CTU2: variants seen among roughly 807,000 people sequenced by gnomAD.
CTU2 encodes the protein cytoplasmic tRNA 2-thiolation protein 2.
CTU2 carries 80 observed loss-of-function variants against 64.1 expected under a neutral mutation model. That is an observed-to-expected ratio of 1.25 (90% CI 1.04 to 1.50). The LOEUF (loss-of-function observed/expected upper bound fraction) is 1.50, where lower values mean the gene tolerates loss of function less well. Among genes scored for constraint, CTU2 ranks in the 40% most tolerant of loss-of-function variants. CTU2 has a pLI of 0.00. For missense variants in CTU2, 1,110 were observed against 690.2 expected, an observed-to-expected ratio of 1.61 and a Z score of -6.81; for synonymous variants, 482 against 285.3, an observed-to-expected ratio of 1.69 and a Z score of -6.95.
rs138922002 is a variant in CTU2 at position 88,714,623 on chromosome 16, G to A, written c.1238G>A (p.Arg413His). ...ATAFGAQTSS[R>H]LSQMQSPIPL... ...GCTTTTGGGGCTCAGACCTCCTCGC[G>A]TCTCTCCCAGATGCAGTCACCCATC... The change falls in exon 12 of 15, where the codon CGT becomes CAT. Residue 413 changes from arginine to histidine, a missense_variant. Coordinates refer to ENST00000453996, the MANE Select transcript of CTU2 (RefSeq NM_001012759.3). 49 of 1,612,478 alleles carry A rather than the reference G, an allele frequency of 3.0e-5. No homozygotes were observed. Among genetic ancestry groups the A allele is most frequent in the African/African-American group, 1.2e-4 (9 of 74,886 alleles).
intron 2 of CTU2, chr16:88,709,480 G>A (rs1471931134): frequency 6.3e-6 from 1 of 158,676 alleles, no homozygotes; most frequent in African/African-American, 2.4e-5. Context: ...CAAAGAGGTG[G>A]TGTCTCTGCA....
Position 88,712,284 on chromosome 16 carries a change from C to T in CTU2, c.354C>T (p.Ala118=), listed in dbSNP as rs1317771571. The change falls in exon 6 of 15, where the codon GCC becomes GCT. Residue 118 remains alanine (A), a synonymous_variant. Transcript: ENST00000453996. ...GCCTGGGTTTTTCAGAGGGAGCAGC[C>T]TGTGGCCAGAGCCTAGAGGAGAGAT... ...AGVIFVDEGA[A]CGQSLEERSK... 8 of 1,602,828 alleles carry T rather than the reference C, an allele frequency of 5.0e-6. No homozygotes were observed. Among genetic ancestry groups the T allele is most frequent in the South Asian group, 1.1e-5 (1 of 89,072 alleles).
intron 8 of CTU2, 86 bp downstream of exon 8, chr16:88,713,533 C>T (rs1567650748): frequency 1.4e-5 from 20 of 1,445,856 alleles, no homozygotes; most frequent in Non-Finnish European, 1.5e-5. Context: ...TCTCGCGTAT[C>T]AGTCCTGCGG....
In CTU2 at chr16:88,714,157, C is replaced by T. The variant is rs868591049; in HGVS notation, c.1027C>T (p.His343Tyr). ...DTKAPEKASI[H>Y]RLMEAFILRL... is the part of the protein sequence containing the mutation. The stretch of plus-strand genomic sequence containing the variant: ...CTAGGCCCCTGAAAAGGCCAGCATC[C>T]ACCGGCTGATGGAGGCCTTCATCCT... Residue 343 changes from histidine (H) to tyrosine (Y), a missense_variant, in exon 10 of 15, where the codon CAC (histidine) becomes TAC (tyrosine). By Grantham distance (83) the His-to-Tyr change is moderately conservative (BLOSUM62 2). Coordinates refer to ENST00000453996, the MANE Select transcript of CTU2 (RefSeq NM_001012759.3). 1.9e-6 allele frequency: 3 copies of T among 1,612,762 alleles called. No homozygotes were observed. The highest frequency in any genetic ancestry group is 2.5e-6 in the Non-Finnish European group (3 of 1,179,914).
At chr16:88,713,615 G>A (rs1317756) in intron 8 of CTU2, 32 bp from the exon 9 acceptor site, 461,635 of 1,604,114 alleles carry the variant, frequency 0.29, 69,852 homozygotes, top group South Asian at 0.34. Context: ...TTCGGGCCTT[G>A]ACCTGGACCA....
At chr16:88,708,727 AGT>A (rs766571287) in intron 2 of CTU2, among the ~76,000 whole-genome samples, 33 of 152,234 alleles carry the variant, frequency 2.2e-4, no homozygotes, top group Admixed American at 1.0e-3. Context: ...GTGCACATCA[AGT>A]GTGTCTGACA....
In CTU2 at chr16:88,713,314, C is replaced by A. The variant is rs751307026; in HGVS notation, c.740C>A (p.Thr247Asn). 3 of 1,587,396 alleles carry A rather than the reference C, an allele frequency of 1.9e-6. No homozygotes were observed. In the African/African-American group the frequency reaches 4.2e-5, roughly 22 times the overall value. Residue 247 changes from threonine (T) to asparagine (N), a missense_variant and splice_region_variant, in exon 8 of 15, where the codon ACC becomes AAC. Transcript: ENST00000453996. ...AKEELLQTLR[T>N]HLILHMARAH... Reference sequence around the variant, plus strand: ...CCCTGAGACGCTCTGTGCTTTAGGACCCACCTGATCCTCCACATGGCCCGA... The same window carrying A: ...CCCTGAGACGCTCTGTGCTTTAGGAACCACCTGATCCTCCACATGGCCCGA...
Position 88,710,074 on chromosome 16 carries a change from T to C in CTU2, c.222+58T>C, listed in dbSNP as rs141766248. Reference sequence around the variant, plus strand: ...AGCCTGGCCCCTCGAGGTCCCTGCTTGTCCCTCCCACAGGCAGCCTGGCCT... The same window carrying C: ...AGCCTGGCCCCTCGAGGTCCCTGCTCGTCCCTCCCACAGGCAGCCTGGCCT... On this transcript the variant is annotated intron_variant, in intron 3 of 14. Coordinates refer to ENST00000453996, the MANE Select transcript of CTU2 (RefSeq NM_001012759.3). 850 of 1,595,700 alleles carry C rather than the reference T, an allele frequency of 5.3e-4. 7 individuals are homozygous for C. In the African/African-American group the frequency reaches 0.011, roughly 20 times the overall value.
intron 2 of CTU2, 68 bp downstream of exon 2, chr16:88,707,278 T>A (rs1456625203): frequency 5.6e-5 from 76 of 1,351,098 alleles, no homozygotes; most frequent in Non-Finnish European, 8.0e-5. Context: ...AGCCGCAACT[T>A]GTGATGCTTT....
rs1464587346 is a variant in CTU2 at position 88,707,175 on chromosome 16, C to T, written c.108C>T (p.Pro36=). ...QKCVKCKEAQ[P]VVVIRAGDAF... ...GTGTGAAGTGCAAGGAAGCGCAGCC[C>T]GTTGTGGTGATACGAGCCGGAGATG... is the stretch of plus-strand genomic sequence containing the variant. The change falls in exon 2 of 15, where the codon CCC becomes CCT. Residue 36 remains proline, a synonymous_variant. Coordinates refer to ENST00000453996, the MANE Select transcript of CTU2 (RefSeq NM_001012759.3). 1.9e-6 allele frequency: 3 copies of T among 1,613,812 alleles called. No homozygotes were observed. Among genetic ancestry groups the T allele is most frequent in the Non-Finnish European group, 2.5e-6 (3 of 1,179,984 alleles).
At position 88,708,186 on chromosome 16, in the gene CTU2, C is replaced by G. The variant is rs146962609; in HGVS notation, c.143+976C>G. The stretch of plus-strand genomic sequence containing the variant: ...AACACCAGGCTGCCGGCAGAATTCA[C>G]TGAGGAGAGGCTGCTGTGGCTGTAT... On this transcript the variant is annotated intron_variant, in intron 2 of 14. Coordinates refer to ENST00000453996, the MANE Select transcript of CTU2 (RefSeq NM_001012759.3). Among the ~76,000 whole-genome samples the G allele has an allele frequency of 6.6e-5, 10 of 152,344 alleles. 1 individual carries two copies. Among genetic ancestry groups the G allele is most frequent in the African/African-American group, 2.4e-4 (10 of 41,584 alleles).
At chr16:88,710,308 CG>C (rs1911214869) in intron 4 of CTU2, 26 bp downstream of exon 4, 1 of 1,613,236 alleles carries the variant, frequency 6.2e-7, no homozygotes, top group Non-Finnish European at 8.5e-7. Context: ...CCCGTGGGCC[CG>C]GGCTGCTGGG....
intron 1 of CTU2, 68 bp from the exon 2 acceptor site, chr16:88,707,068 C>A (rs1597420202): frequency 6.6e-7 from 1 of 1,521,902 alleles, no homozygotes; most frequent in Non-Finnish European, 9.1e-7. Context: ...GCTGTCTCCC[C>A]AAAGCCCACT....
chr16:88,706,976 G>A, intron 1 of CTU2, 160 bp from the exon 2 acceptor site: 1 of 691,006 alleles, frequency 1.4e-6, no homozygotes, highest in Non-Finnish European at 2.5e-6. Flanking sequence ...TGTTTTTCTT[G>A]AAGTTTGGAC....
At position 88,715,325 on chromosome 16, in the gene CTU2, C is replaced by T. The variant is rs74033360; in HGVS notation, c.*74C>T. Reference sequence around the variant, plus strand: ...CCACACTGGAGCCGGAAGGCAAGGACGGGGGACTGGCCTCTGATTGTCCAT... The same window carrying T: ...CCACACTGGAGCCGGAAGGCAAGGATGGGGGACTGGCCTCTGATTGTCCAT... On this transcript the variant is annotated 3_prime_UTR_variant, in exon 15 of 15. Transcript: ENST00000453996. 6.3e-4 allele frequency: 928 copies of T among 1,469,900 alleles called. 7 individuals carry two copies. The African/African-American group carries it at 0.01, about 16-fold the overall frequency. The allele number at this position is 1,469,900 out of a possible 1,614,324, so 91.1% of individuals were successfully genotyped here.
chr16:88,707,302 A>G (rs1910949186), intron 2 of CTU2, 92 bp downstream of exon 2: 2 of 1,186,418 alleles, frequency 1.7e-6, no homozygotes, highest in African/African-American at 1.5e-5. Context: ...AATTCTTTTT[A>G]AAAACATGTA....
chr16:88,707,094 G>A, intron 1 of CTU2, 42 bp from the exon 2 acceptor site: 1 of 1,598,978 alleles, frequency 6.3e-7, no homozygotes, highest in South Asian at 1.1e-5. Flanking sequence ...TGGGGAAGAT[G>A]TGATCTGTGT....
intron 2 of CTU2, 186 bp from the exon 3 acceptor site, chr16:88,709,752 C>A: frequency 3.3e-6 from 2 of 613,488 alleles, no homozygotes; most frequent in South Asian, 3.8e-5. Context: ...CGTGTTCACC[C>A]TGAGGAAGCC....
intron 2 of CTU2, 72 bp from the exon 3 acceptor site, chr16:88,709,866 C>T: frequency 2.3e-6 from 3 of 1,277,744 alleles, no homozygotes; most frequent in Non-Finnish European, 3.4e-6. Flanking sequence ...ACGTCGTCAC[C>T]TGGCAGCGCC....
Sources: allele counts gnomAD v4.1 joint callset (sites outside exome capture counted in the v4.1 genomes callset), GRCh38; gene constraint gnomAD v4.1.1; transcripts MANE v1.5; gene names NCBI Gene and HGNC (gene_info 2026-07-23, HGNC 2026-07-21).